Variants in PBX3 observed in about 807,000 individuals in gnomAD.
PBX3 encodes pre-B-cell leukemia transcription factor 3.
In PBX3, 14 loss-of-function variants were observed where a neutral mutation model predicts 48.5. That is an observed-to-expected ratio of 0.29 (90% CI 0.19 to 0.45). The LOEUF (loss-of-function observed/expected upper bound fraction) is 0.45, where lower values mean the gene tolerates loss of function less well. PBX3 is among the 20% of genes least tolerant of loss of function. PBX3 has a pLI of 1.00. For missense variants in PBX3, 386 were observed against 546.7 expected (o/e 0.71, Z 2.93); for synonymous variants, 210 against 200.3 (o/e 1.05, Z -0.41).
intron 2 of PBX3, among the ~76,000 whole-genome samples, chr9:125,898,449 G>GAA (rs3051314): frequency 0.52 from 75,587 of 144,590 alleles, 21,460 homozygotes; most frequent in Non-Finnish European, 0.63. Context: ...CCCATCTTCT[G>GAA]AAAAAAAAAA....
intron 2 of PBX3, among the ~76,000 whole-genome samples, chr9:125,816,094 G>T (rs1280079863): frequency 6.6e-6 from 1 of 152,076 alleles, no homozygotes; most frequent in East Asian, 1.9e-4. Context: ...AGCCCCGACT[G>T]CCCGGGCTCA....
intron 4 of PBX3, among the ~76,000 whole-genome samples, chr9:125,930,074 G>A (rs772295563): frequency 2.6e-5 from 4 of 152,210 alleles, no homozygotes; most frequent in Non-Finnish European, 4.4e-5. Context: ...AATAGGATTA[G>A]TGTCTCTGCT....
At chr9:125,827,659 A>G (rs1488727880) in intron 2 of PBX3, among the ~76,000 whole-genome samples, 4 of 152,088 alleles carry the variant, frequency 2.6e-5, no homozygotes, top group African/African-American at 9.7e-5. Flanking sequence ...ATATCCGTGA[A>G]TTGATTTTAT....
chr9:125,905,189 A>G (rs754934192), intron 2 of PBX3, among the ~76,000 whole-genome samples: 1 of 151,918 alleles, frequency 6.6e-6, no homozygotes, highest in Non-Finnish European at 1.5e-5. Context: ...AAAACTGATT[A>G]TGTTATGGTG....
intron 5 of PBX3, among the ~76,000 whole-genome samples, chr9:125,944,939 C>T (rs1842034750): frequency 6.6e-6 from 1 of 152,052 alleles, no homozygotes; most frequent in Admixed American, 6.6e-5. Context: ...ATAGCATGTA[C>T]TGGCTGGGCA....
chr9:125,772,779 A>G (rs776201602), intron 2 of PBX3, among the ~76,000 whole-genome samples: 14 of 152,246 alleles, frequency 9.2e-5, no homozygotes, highest in Non-Finnish European at 1.8e-4. Flanking sequence ...CGAGAAACAT[A>G]CTGGGGCATG....
rs530475897 is a variant in PBX3, at chr9:125,789,066, ATTTT to A, written c.274+40444_274+40447del. The stretch of plus-strand genomic sequence containing the variant: ...TATGATTTGCTTTCACTCAACACTT[ATTTT>A]AAGATTTTCAACATTGACACATTTA... On this transcript the variant is annotated intron_variant, in intron 2 of 8. Coordinates refer to ENST00000373489, the MANE Select transcript of PBX3 (RefSeq NM_006195.6). 5.2e-3 allele frequency among the ~76,000 whole-genome samples: 788 copies of A among 152,216 alleles called. 2 individuals are homozygous for A. The highest frequency in any genetic ancestry group is 0.013 in the South Asian group (63 of 4,816).
chr9:125,839,175 T>C (rs1451501746), intron 2 of PBX3, among the ~76,000 whole-genome samples: 1 of 152,162 alleles, frequency 6.6e-6, no homozygotes, highest in East Asian at 1.9e-4. Flanking sequence ...CCTCATAGAG[T>C]AGCTGTGAGA....
chr9:125,897,346 C>A (rs555670259), intron 2 of PBX3, among the ~76,000 whole-genome samples: 2 of 151,698 alleles, frequency 1.3e-5, no homozygotes, highest in East Asian at 3.9e-4. Flanking sequence ...AAAAAACATT[C>A]GTAAGACAGT....
At chr9:125,901,992 G>C (rs940389218) in intron 2 of PBX3, among the ~76,000 whole-genome samples, 3 of 151,544 alleles carry the variant, frequency 2.0e-5, no homozygotes, top group Non-Finnish European at 4.4e-5. Flanking sequence ...CTTTGTTAGA[G>C]AAACCCAAAT....
intron 2 of PBX3, among the ~76,000 whole-genome samples, chr9:125,829,762 T>C (rs1354593430): frequency 6.6e-6 from 1 of 152,176 alleles, no homozygotes; most frequent in Non-Finnish European, 1.5e-5. Flanking sequence ...AGATTCTAAT[T>C]GAAGAGTTAG....
At chr9:125,926,854 A>G (rs1841590267) in intron 3 of PBX3, among the ~76,000 whole-genome samples, 1 of 152,164 alleles carries the variant, frequency 6.6e-6, no homozygotes, top group South Asian at 2.1e-4. Context: ...ATAAATTGAT[A>G]ATATAGTGGG....
intron 2 of PBX3, among the ~76,000 whole-genome samples, chr9:125,899,454 T>G (rs10987009): frequency 0.11 from 10,943 of 103,584 alleles, 938 homozygotes; most frequent in Non-Finnish European, 0.13. Context: ...TATATATATA[T>G]AGAGAGAGAG....
chr9:125,758,152 AAACAT>A (rs1836570771), intron 2 of PBX3, among the ~76,000 whole-genome samples: 1 of 152,222 alleles, frequency 6.6e-6, no homozygotes, highest in Non-Finnish European at 1.5e-5. Flanking sequence ...TGGACTCTAT[AAACAT>A]AAATTCTGTT....
chr9:125,844,987 G>A (rs1254155231), intron 2 of PBX3: 1 of 151,994 alleles, frequency 6.6e-6, no homozygotes, highest in African/African-American at 2.4e-5. Flanking sequence ...AGATAGGTGA[G>A]GTTTAAACAT....
intron 2 of PBX3, among the ~76,000 whole-genome samples, chr9:125,791,347 C>CTA (rs1311668136): frequency 2.0e-4 from 30 of 151,152 alleles, no homozygotes; most frequent in African/African-American, 6.9e-4. Context: ...ATCTATCTAT[C>CTA]TCTGTCAATC....
At position 125,825,908 on chromosome 9, in the gene PBX3, A is replaced by C. The variant is rs182707116; in HGVS notation, c.274+77285A>C. On this transcript the variant is annotated intron_variant, in intron 2 of 8. Coordinates refer to ENST00000373489, the MANE Select transcript of PBX3 (RefSeq NM_006195.6). ...ATGTAGTAGCTTTGTTTAGTTTAGG[A>C]ATCTTATTTGGGAACTTGCCTAGAA... Among the ~76,000 whole-genome samples, 9 of 152,232 alleles carry C rather than the reference A, an allele frequency of 5.9e-5. No individual in the cohort carries two copies. The East Asian group carries it at 1.7e-3, about 29-fold the overall frequency.
At position 125,747,504 on chromosome 9, in the gene PBX3, T is replaced by C. The variant is rs1231324800; in HGVS notation, c.51T>C (p.Ala17=). 6.3e-7 allele frequency: 1 copy of C among 1,587,778 alleles called. No homozygotes were observed. Among genetic ancestry groups the C allele is most frequent in the Non-Finnish European group, 8.6e-7 (1 of 1,168,528 alleles). The part of the protein sequence containing the change: ...MLQTLAGVNL[A]GHSVQGGMAL... Reference sequence around the variant, plus strand: ...AGACTCTGGCCGGGGTGAACCTGGCTGGCCACTCGGTGCAGGGGGGCATGG... The same window carrying C: ...AGACTCTGGCCGGGGTGAACCTGGCCGGCCACTCGGTGCAGGGGGGCATGG... The change falls in exon 1 of 9, where the codon GCT becomes GCC. Residue 17 remains alanine, a synonymous_variant. Transcript: ENST00000373489.
intron 5 of PBX3, among the ~76,000 whole-genome samples, chr9:125,940,883 C>T (rs749043710): frequency 1.1e-4 from 16 of 152,084 alleles, no homozygotes; most frequent in Non-Finnish European, 2.2e-4. Context: ...AGTGTTAGTT[C>T]CATGGGTATG....
Sources: allele counts gnomAD v4.1 joint callset (sites outside exome capture counted in the v4.1 genomes callset), GRCh38; gene constraint gnomAD v4.1.1; transcripts MANE v1.5; gene names NCBI Gene and HGNC (gene_info 2026-07-23, HGNC 2026-07-21).